NBEA: variants seen among roughly 807,000 people sequenced by gnomAD.
NBEA encodes the protein neurobeachin.
Under a neutral mutation model 343.4 loss-of-function variants are expected in NBEA, and 44 were observed. The ratio of observed to expected loss-of-function variants is 0.13; its 90% confidence interval spans 0.10 to 0.16. NBEA has a LOEUF of 0.16. NBEA is among the 10% of genes least tolerant of loss of function. NBEA has a pLI of 1.00. For missense variants in NBEA, 2,555 were observed against 3,631.3 expected (o/e 0.70, Z 7.62); for synonymous variants, 1,175 against 1,238.7 (o/e 0.95, Z 1.08).
intron 35 of NBEA, among the ~76,000 whole-genome samples, chr13:35,296,933 G>A (rs770233697): frequency 1.3e-5 from 2 of 150,802 alleles, no homozygotes; most frequent in East Asian, 1.9e-4. Context: ...CTGTGGTTTC[G>A]TTGTTTAAAT....
In NBEA at chr13:35,650,004, A is replaced by G. The variant is rs534162858; in HGVS notation, c.7963+157A>G. The stretch of plus-strand genomic sequence containing the variant: ...TGTCAAATCCAACTAAGGGACTTCT[A>G]TCTGTCTCCTTCATTTCTGCTGTAT... On this transcript the variant is annotated intron_variant, in intron 52 of 58. Transcript: ENST00000379939. 2.6e-5 allele frequency among the ~76,000 whole-genome samples: 4 copies of G among 152,342 alleles called. No individual in the cohort carries two copies. In the South Asian group the frequency reaches 6.2e-4, roughly 24 times the overall value.
intron 41 of NBEA, among the ~76,000 whole-genome samples, chr13:35,491,931 C>A (rs2076514093): frequency 6.6e-6 from 1 of 151,950 alleles, no homozygotes; most frequent in Non-Finnish European, 1.5e-5. Flanking sequence ...GTTCAAATAA[C>A]ATAAAAAGTT....
chr13:35,180,580 T>C (rs2071245238), intron 28 of NBEA, among the ~76,000 whole-genome samples: 1 of 151,770 alleles, frequency 6.6e-6, no homozygotes, highest in African/African-American at 2.4e-5. Context: ...AACTCCATTT[T>C]ATCTTTGAGT....
rs552940583 is a variant in NBEA at position 35,108,391 on chromosome 13, A to T, written c.1681-899A>T. ...GCATTTTTATCTGAAATTGTATTCT[A>T]GTATAGCATTGTCCAATTAAATTAC... On this transcript the variant is annotated intron_variant, in intron 11 of 58. Transcript: ENST00000379939. Among the ~76,000 whole-genome samples, 4 of 152,172 alleles carry T rather than the reference A, an allele frequency of 2.6e-5. No individual in the cohort carries two copies. In the South Asian group the frequency reaches 6.2e-4, roughly 24 times the overall value.
intron 34 of NBEA, among the ~76,000 whole-genome samples, chr13:35,246,437 G>A (rs780744824): frequency 1.2e-4 from 18 of 152,206 alleles, no homozygotes; most frequent in Middle Eastern, 3.4e-3. Context: ...AAGATCTGGG[G>A]CTCAAGGCTG....
At chr13:34,943,449 C>G (rs1242252135) in intron 1 of NBEA, among the ~76,000 whole-genome samples, 4 of 152,036 alleles carry the variant, frequency 2.6e-5, no homozygotes, top group African/African-American at 9.7e-5. Context: ...GTGAGGAGGC[C>G]TCCTGTTCTC....
chr13:34,970,212 T>A (rs2059955572), intron 1 of NBEA, among the ~76,000 whole-genome samples: 1 of 152,244 alleles, frequency 6.6e-6, no homozygotes, highest in South Asian at 2.1e-4. Flanking sequence ...AAGTGTCTGT[T>A]CATGTCCTTT....
intron 34 of NBEA, 131 bp downstream of exon 34, chr13:35,232,750 A>T: frequency 1.5e-6 from 1 of 675,024 alleles, no homozygotes; most frequent in Non-Finnish European, 2.2e-6. Context: ...TTCTAATAAG[A>T]TATTCAATAT....
At chr13:35,612,494 G>A (rs76791576) in intron 48 of NBEA, among the ~76,000 whole-genome samples, 10,485 of 152,134 alleles carry the variant, frequency 0.069, 409 homozygotes, top group African/African-American at 0.093. Flanking sequence ...TGTATTTATT[G>A]AATGCTAAAA....
chr13:35,289,453 C>G (rs571334207), intron 34 of NBEA, among the ~76,000 whole-genome samples: 1 of 151,910 alleles, frequency 6.6e-6, no homozygotes, highest in African/African-American at 2.4e-5. Context: ...GTTTTTAATA[C>G]TTGATTACCT....
chr13:35,213,628 A>G (rs944585917), intron 33 of NBEA, among the ~76,000 whole-genome samples: 1 of 142,880 alleles, frequency 7.0e-6, no homozygotes, highest in African/African-American at 2.5e-5. Context: ...TTTTTTAGTA[A>G]TGATTTTTAG....
rs757050659 is a variant in NBEA, at chr13:35,232,567, A to G, written c.5724A>G (p.Pro1908=). ...GTGAAATTTTTGTAGACTTTGCCCC[A>G]TTCCTATCTCGTACACTTCTTGGCA... ...LLREIFVDFA[P]FLSRTLLGSH... is the part of the protein sequence containing the mutation. Residue 1908 remains proline (P), a synonymous_variant, in exon 34 of 59, where the codon CCA becomes CCG. Coordinates refer to ENST00000379939, the MANE Select transcript of NBEA (RefSeq NM_001385012.1). The G allele has an allele frequency of 5.1e-6, 8 of 1,558,412 alleles. No homozygotes were observed. In the South Asian group the frequency reaches 7.1e-5, roughly 14 times the overall value.
intron 51 of NBEA, among the ~76,000 whole-genome samples, chr13:35,647,076 T>C (rs1314434006): frequency 6.6e-6 from 1 of 152,220 alleles, no homozygotes; most frequent in Non-Finnish European, 1.5e-5. Context: ...ATTCCCACTT[T>C]GCAAGGGAGT....
At chr13:35,065,122 G>A (rs1225197302) in intron 8 of NBEA, among the ~76,000 whole-genome samples, 1 of 151,512 alleles carries the variant, frequency 6.6e-6, no homozygotes, top group Non-Finnish European at 1.5e-5. Context: ...AGCTCTTTCT[G>A]TAGTAGATTC....
At chr13:35,473,421 T>C (rs1594752759) in intron 41 of NBEA, among the ~76,000 whole-genome samples, 1 of 152,182 alleles carries the variant, frequency 6.6e-6, no homozygotes, top group East Asian at 1.9e-4. Flanking sequence ...TCCAGAACTT[T>C]ATTGTTTTTA....
intron 1 of NBEA, among the ~76,000 whole-genome samples, chr13:35,031,025 C>G (rs2062194998): frequency 6.6e-6 from 1 of 151,632 alleles, no homozygotes; most frequent in African/African-American, 2.4e-5. Context: ...CCAGACTCTG[C>G]TAAAGCAGTT....
rs186160155 is a variant in NBEA, at chr13:35,198,517, A to G, written c.5366+2215A>G. Among the ~76,000 whole-genome samples, 4 of 152,246 alleles carry G rather than the reference A, an allele frequency of 2.6e-5. No homozygotes were observed. In the East Asian group the frequency reaches 5.8e-4, roughly 22 times the overall value. On this transcript the variant is annotated intron_variant, in intron 31 of 58. Transcript: ENST00000379939. ...CACCTGAGTGCTAATATTCTTAGCT[A>G]CTCAAAATTTATTATACTTTTGAGA...
chr13:35,633,221 G>A (rs920560025), intron 49 of NBEA, among the ~76,000 whole-genome samples: 3 of 151,404 alleles, frequency 2.0e-5, no homozygotes, highest in African/African-American at 7.3e-5. Context: ...TCCTGCCTCA[G>A]CCTCCCAAGT....
At chr13:35,579,998 T>A (rs9600981) in intron 45 of NBEA, among the ~76,000 whole-genome samples, 14 of 152,050 alleles carry the variant, frequency 9.2e-5, no homozygotes, top group African/African-American at 3.4e-4. Flanking sequence ...GAATGTGAAT[T>A]TTTTTACATT....
Sources: allele counts gnomAD v4.1 joint callset (sites outside exome capture counted in the v4.1 genomes callset), GRCh38; gene constraint gnomAD v4.1.1; transcripts MANE v1.5; gene names NCBI Gene and HGNC (gene_info 2026-07-23, HGNC 2026-07-21).